The following PIP5K1A variants were observed in gnomAD, a reference collection of about 807,000 sequenced individuals.
The protein encoded by PIP5K1A is phosphatidylinositol 4-phosphate 5-kinase type-1 alpha.
In PIP5K1A, 46 loss-of-function variants were observed where a neutral mutation model predicts 72.9. The ratio of observed to expected loss-of-function variants is 0.63; its 90% CI spans 0.50 to 0.81. PIP5K1A has a LOEUF of 0.81. Among genes scored for constraint, PIP5K1A ranks in the 30% least tolerant of loss-of-function variants. The pLI is 0.00. For synonymous variants in PIP5K1A, 228 were observed against 255.1 expected (o/e 0.89, Z 1.01); for missense variants, 458 against 706.1 (o/e 0.65, Z 3.98).
At chr1:151,231,895 A>T (rs1397030558) in intron 5 of PIP5K1A, 94 bp downstream of exon 5, 1 of 1,134,558 alleles carries the variant, frequency 8.8e-7, no homozygotes, top group African/African-American at 1.5e-5. Flanking sequence ...GACAATTTAG[A>T]CATGTGTCCA....
intron 1 of PIP5K1A, among the ~76,000 whole-genome samples, chr1:151,223,542 G>A (rs1408468759): frequency 2.6e-5 from 4 of 151,574 alleles, no homozygotes; most frequent in Non-Finnish European, 4.4e-5. Context: ...CTACTCGGGA[G>A]GCTGAGGCAG....
chr1:151,232,395 C>G, intron 6 of PIP5K1A, 30 bp downstream of exon 6: 1 of 1,524,438 alleles, frequency 6.6e-7, no homozygotes, highest in East Asian at 2.2e-5. Context: ...GACACTGTGA[C>G]TCCAGTATCA....
At chr1:151,200,875 G>C (rs587691948) in intron 1 of PIP5K1A, among the ~76,000 whole-genome samples, 2 of 152,064 alleles carry the variant, frequency 1.3e-5, no homozygotes, top group South Asian at 4.2e-4. Context: ...TGTCGCCCAG[G>C]CTGGAGTGCA....
chr1:151,218,879 A>C (rs1002437022), intron 1 of PIP5K1A, among the ~76,000 whole-genome samples: 2 of 149,416 alleles, frequency 1.3e-5, no homozygotes, highest in African/African-American at 4.9e-5. Context: ...AGAAGAAAGT[A>C]TTGAATTAGG....
intron 12 of PIP5K1A, among the ~76,000 whole-genome samples, chr1:151,240,994 GTC>G (rs1394577383): frequency 1.3e-5 from 2 of 152,024 alleles, no homozygotes; most frequent in African/African-American, 4.8e-5. Context: ...TTGAAACCCT[GTC>G]TCTACTAAAA....
chr1:151,226,336 C>T (rs587761918), intron 3 of PIP5K1A, among the ~76,000 whole-genome samples: 1 of 152,040 alleles, frequency 6.6e-6, no homozygotes, highest in African/African-American at 2.4e-5. Flanking sequence ...CCACTTGCCT[C>T]CACCTCCCAA....
At chr1:151,234,685 C>G (rs1056253226) in intron 8 of PIP5K1A, among the ~76,000 whole-genome samples, 189 bp downstream of exon 8, 2 of 152,206 alleles carry the variant, frequency 1.3e-5, no homozygotes, top group Non-Finnish European at 2.9e-5. Context: ...TATCCTCCCA[C>G]AATGGGATTT....
chr1:151,242,635 AT>A, intron 14 of PIP5K1A, 68 bp downstream of exon 14: 2 of 1,288,722 alleles, frequency 1.6e-6, no homozygotes, highest in Non-Finnish European at 1.1e-6. Flanking sequence ...AACCTCTATA[AT>A]TTGATTGCAT....
At chr1:151,223,705 G>A (rs868392685) in intron 1 of PIP5K1A, among the ~76,000 whole-genome samples, 2 of 148,064 alleles carry the variant, frequency 1.4e-5, no homozygotes, top group South Asian at 4.3e-4. Flanking sequence ...TAAAAAAAAA[G>A]GGACAGGTGC....
chr1:151,239,277 T>TTTTTTC, intron 11 of PIP5K1A, 99 bp downstream of exon 11: 6 of 180,660 alleles, frequency 3.3e-5, no homozygotes, highest in South Asian at 2.9e-4. Flanking sequence ...TTCTTTTTTC[T>TTTTTTC]TTTTTTTTTT....
chr1:151,200,049 G>A (rs587707132), intron 1 of PIP5K1A, among the ~76,000 whole-genome samples: 45 of 152,138 alleles, frequency 3.0e-4, no homozygotes, highest in African/African-American at 1.0e-3. Flanking sequence ...TGGAAATTTT[G>A]AAGAGAGTCT....
At chr1:151,217,067 T>C (rs137920005) in intron 1 of PIP5K1A, among the ~76,000 whole-genome samples, 127 of 152,148 alleles carry the variant, frequency 8.3e-4, no homozygotes, top group African/African-American at 2.9e-3. Flanking sequence ...TGCGTGCCAC[T>C]ACACCCAGCT....
At chr1:151,240,927 G>A (rs1476513259) in intron 12 of PIP5K1A, among the ~76,000 whole-genome samples, 1 of 152,186 alleles carries the variant, frequency 6.6e-6, no homozygotes, top group South Asian at 2.1e-4. Context: ...CACTTTGGGA[G>A]GCCAAAGCAG....
At chr1:151,247,001 G>A (rs750907238) in intron 15 of PIP5K1A, 36 bp downstream of exon 15, 3 of 1,566,906 alleles carry the variant, frequency 1.9e-6, no homozygotes, top group African/African-American at 1.4e-5. Context: ...TGAACGTTTT[G>A]CAAGGTATAA....
At position 151,248,802 on chromosome 1, in the gene PIP5K1A, T is replaced by C. The variant is rs1437032680; in HGVS notation, c.*937T>C. 1 of 152,646 alleles carries C rather than the reference T, an allele frequency of 6.6e-6. No individual in the cohort carries two copies. Among genetic ancestry groups the C allele is most frequent in the Non-Finnish European group, 1.5e-5 (1 of 68,044 alleles). The allele number at this position is 152,646 out of a possible 1,614,324, so 9.5% of individuals were successfully genotyped here. On this transcript the variant is annotated 3_prime_UTR_variant, in exon 16 of 16. Coordinates refer to ENST00000368888, the MANE Select transcript of PIP5K1A (RefSeq NM_001135638.2). ...ACTTACCAAATGAATTTTAGATCATTCTCCAGAGGAGATTTTTTTTGCTCT... is the reference window on the plus strand; with the variant it reads ...ACTTACCAAATGAATTTTAGATCATCCTCCAGAGGAGATTTTTTTTGCTCT...
chr1:151,224,539 C>T (rs925878584), intron 3 of PIP5K1A, 133 bp downstream of exon 3: 19 of 699,584 alleles, frequency 2.7e-5, no homozygotes, highest in Non-Finnish European at 4.5e-5. Flanking sequence ...ACCTAAGTGC[C>T]CTTTAAGATA....
intron 1 of PIP5K1A, among the ~76,000 whole-genome samples, chr1:151,212,744 TC>T (rs1336592719): frequency 1.3e-5 from 2 of 150,152 alleles, no homozygotes; most frequent in East Asian, 2.0e-4. Flanking sequence ...CTAGCCAATT[TC>T]TGTATTTTTA....
At chr1:151,197,272 T>G (rs955645127), upstream of PIP5K1A, among the ~76,000 whole-genome samples, 6 of 151,856 alleles carry the variant, frequency 4.0e-5, no homozygotes, top group African/African-American at 7.2e-5. Flanking sequence ...AACCTGTTTT[T>G]TTTGTTTGTT....
rs375224888 is a variant in PIP5K1A at position 151,239,195 on chromosome 1, G to C, written c.1278+17G>C. 191 of 1,554,056 alleles carry C rather than the reference G, an allele frequency of 1.2e-4. No homozygotes were observed. Among genetic ancestry groups the C allele is most frequent in the Non-Finnish European group, 1.5e-4 (172 of 1,126,348 alleles). ...CATGACGGAGTAAGTAGTAATACTA[G>C]AGGCTCTCTTACCGTACACTTCTGC... On this transcript the variant is annotated intron_variant, in intron 11 of 15. Transcript: ENST00000368888.
Sources: allele counts gnomAD v4.1 joint callset (sites outside exome capture counted in the v4.1 genomes callset), GRCh38; gene constraint gnomAD v4.1.1; transcripts MANE v1.5; gene names NCBI Gene and HGNC (gene_info 2026-07-23, HGNC 2026-07-21).